LHFPL3: variants seen among roughly 807,000 people sequenced by gnomAD.
The protein encoded by LHFPL3 is LHFPL tetraspan subfamily member 3.
In LHFPL3, 5 loss-of-function variants were observed where a neutral mutation model predicts 19.3. The observed-to-expected ratio is 0.26, with a 90% CI of 0.14 to 0.54. The LOEUF (loss-of-function observed/expected upper bound fraction) is 0.54, where lower values mean the gene tolerates loss of function less well. Among genes scored for constraint, LHFPL3 ranks in the 20% least tolerant of loss-of-function variants. The probability of loss-of-function intolerance (pLI) is 0.94; values close to 1 mark genes in which losing one functional copy is unlikely to be tolerated. For missense variants in LHFPL3, 249 were observed against 307.4 expected (o/e 0.81, Z 1.42); for synonymous variants, 133 against 126.2 (o/e 1.05, Z -0.36).
intron 1 of LHFPL3, among the ~76,000 whole-genome samples, chr7:104,426,624 G>GA (rs1791851709): frequency 6.6e-6 from 1 of 152,166 alleles, no homozygotes; most frequent in Non-Finnish European, 1.5e-5. Context: ...TTTATGAAAA[G>GA]GACCCAATAA....
At chr7:104,416,731 C>T (rs891049014) in intron 1 of LHFPL3, among the ~76,000 whole-genome samples, 5 of 152,276 alleles carry the variant, frequency 3.3e-5, no homozygotes, top group South Asian at 2.1e-4. Flanking sequence ...TATTAAAGTA[C>T]GTATCTTAGT....
intron 1 of LHFPL3, chr7:104,669,251 C>G: frequency 2.5e-6 from 4 of 1,613,984 alleles, no homozygotes; most frequent in Non-Finnish European, 3.4e-6. Flanking sequence ...GAGCAGCAAT[C>G]CCCTACAAGT....
intron 1 of LHFPL3, among the ~76,000 whole-genome samples, chr7:104,540,909 T>C (rs1794473829): frequency 6.6e-6 from 1 of 152,164 alleles, no homozygotes. Flanking sequence ...CATTATCTGT[T>C]GCCTAGGTTA....
intron 1 of LHFPL3, among the ~76,000 whole-genome samples, chr7:104,729,709 T>A (rs1169656679): frequency 6.6e-6 from 1 of 152,116 alleles, no homozygotes; most frequent in African/African-American, 2.4e-5. Context: ...TTTCATTTTT[T>A]GATGGTTGAA....
chr7:104,690,467 A>G (rs1792886384), intron 1 of LHFPL3, among the ~76,000 whole-genome samples: 1 of 152,220 alleles, frequency 6.6e-6, no homozygotes, highest in African/African-American at 2.4e-5. Context: ...CTTCCATAAG[A>G]TATCACACTG....
At chr7:104,514,369 T>C (rs28252) in intron 1 of LHFPL3, among the ~76,000 whole-genome samples, 114,442 of 152,148 alleles carry the variant, frequency 0.75, 43,593 homozygotes, top group African/African-American at 0.87. Flanking sequence ...TATCATTATC[T>C]CATTAGTATC....
intron 1 of LHFPL3, among the ~76,000 whole-genome samples, chr7:104,631,515 A>G (rs953872678): frequency 6.6e-6 from 1 of 152,208 alleles, no homozygotes; most frequent in Non-Finnish European, 1.5e-5. Flanking sequence ...GTTTTTGTGA[A>G]AAAGACTGGG....
intron 1 of LHFPL3, among the ~76,000 whole-genome samples, chr7:104,405,986 G>A (rs1791404835): frequency 6.6e-6 from 1 of 152,232 alleles, no homozygotes; most frequent in African/African-American, 2.4e-5. Flanking sequence ...ATAAGTGATA[G>A]CTAGAAATCA....
At chr7:104,843,574 T>G (rs4730055) in intron 2 of LHFPL3, among the ~76,000 whole-genome samples, 1 of 152,356 alleles carries the variant, frequency 6.6e-6, no homozygotes, top group East Asian at 1.9e-4. Context: ...TATAATCAAT[T>G]GAGTCACTTC....
intron 1 of LHFPL3, among the ~76,000 whole-genome samples, chr7:104,499,858 G>A (rs1227197916): frequency 6.6e-6 from 1 of 152,074 alleles, no homozygotes; most frequent in Non-Finnish European, 1.5e-5. Context: ...TATTTCAGTT[G>A]TGCTTTCTTA....
chr7:104,746,870 G>A (rs1022098510), intron 2 of LHFPL3, among the ~76,000 whole-genome samples: 38 of 152,056 alleles, frequency 2.5e-4, no homozygotes, highest in African/African-American at 8.9e-4. Flanking sequence ...TGATTAACGG[G>A]GTGCATAGCC....
chr7:104,862,916 T>TAACACGACA, intron 2 of LHFPL3, among the ~76,000 whole-genome samples: 1 of 152,188 alleles, frequency 6.6e-6, no homozygotes, highest in Non-Finnish European at 1.5e-5. Context: ...CGCCTGGTGG[T>TAACACGACA]CTGATACAGT....
intron 1 of LHFPL3, among the ~76,000 whole-genome samples, chr7:104,574,782 C>G (rs1250766091): frequency 6.6e-6 from 1 of 151,758 alleles, no homozygotes; most frequent in African/African-American, 2.4e-5. Flanking sequence ...TTCCCCAGTC[C>G]CATACACCCT....
At chr7:104,338,093 C>CTTTTTTTTTTTTTTTTTT (rs71296520) in intron 1 of LHFPL3, among the ~76,000 whole-genome samples, 4 of 85,844 alleles carry the variant, frequency 4.7e-5, no homozygotes, top group Non-Finnish European at 8.3e-5. Flanking sequence ...TTTCCTTTTT[C>CTTTTTTTTTTTTTTTTTT]TTTTTTTTTT....
At chr7:104,739,978 G>A (rs2116313313) in intron 2 of LHFPL3, among the ~76,000 whole-genome samples, 1 of 152,304 alleles carries the variant, frequency 6.6e-6, no homozygotes, top group East Asian at 1.9e-4. Context: ...ATTTCCACGT[G>A]TTGGGAAAGG....
intron 1 of LHFPL3, among the ~76,000 whole-genome samples, chr7:104,628,830 T>G (rs1316498341): frequency 6.6e-6 from 1 of 152,164 alleles, no homozygotes; most frequent in Non-Finnish European, 1.5e-5. Flanking sequence ...TCTCATTGAG[T>G]GCCTTTGGAC....
intron 1 of LHFPL3, among the ~76,000 whole-genome samples, chr7:104,653,270 CTT>C (rs1415666824): frequency 2.0e-5 from 3 of 152,146 alleles, no homozygotes; most frequent in Non-Finnish European, 4.4e-5. Flanking sequence ...AAGAGAGAAT[CTT>C]TATCAGAGGA....
intron 2 of LHFPL3, among the ~76,000 whole-genome samples, chr7:104,798,694 TCACG>T (rs1202075258): frequency 7.1e-6 from 1 of 141,548 alleles, no homozygotes; most frequent in African/African-American, 2.5e-5. Context: ...CTAGAAAGTC[TCACG>T]ATTTTTTTTT....
chr7:104,779,517 G>T (rs949830889), intron 2 of LHFPL3, among the ~76,000 whole-genome samples: 3 of 152,034 alleles, frequency 2.0e-5, no homozygotes, highest in Non-Finnish European at 4.4e-5. Flanking sequence ...TAGATCTCTG[G>T]AGTGGTCAAG....
Sources: allele counts gnomAD v4.1 joint callset (sites outside exome capture counted in the v4.1 genomes callset), GRCh38; gene constraint gnomAD v4.1.1; transcripts MANE v1.5; gene names NCBI Gene and HGNC (gene_info 2026-07-23, HGNC 2026-07-21).